SLC25A53: variants seen among roughly 807,000 people sequenced by gnomAD.
SLC25A53 encodes the protein mitochondrial carrier triple repeat protein 6.
Under a neutral mutation model 15.0 loss-of-function variants are expected in SLC25A53, and 5 were observed. The observed-to-expected ratio is 0.33, with a 90% CI of 0.17 to 0.70. The LOEUF (loss-of-function observed/expected upper bound fraction) is 0.70, where lower values mean the gene tolerates loss of function less well. Among genes scored for constraint, SLC25A53 ranks in the 30% least tolerant of loss-of-function variants. The pLI, the probability that SLC25A53 is intolerant of heterozygous loss-of-function variation, is 0.67. For synonymous variants in SLC25A53, 95 were observed against 100.0 expected (o/e 0.95, Z 0.30); for missense variants, 216 against 241.6 (o/e 0.89, Z 0.70).
At chrX:104,136,370 C>T (rs1556366465) in intron 1 of SLC25A53, among the ~76,000 whole-genome samples, 1 of 111,372 alleles carries the variant, frequency 9.0e-6, no homozygotes. Flanking sequence ...CTGGAAACAG[C>T]ATCATTTCTG....
intron 1 of SLC25A53, among the ~76,000 whole-genome samples, chrX:104,140,931 C>T (rs917643021): frequency 1.8e-5 from 2 of 110,827 alleles, no homozygotes; most frequent in African/African-American, 6.6e-5. Context: ...AAGTTCTGAC[C>T]CAAATATACA....
Position 104,156,942 on chromosome X carries a change from G to C in SLC25A53, c.-96C>G, listed in dbSNP as rs1167410837. 2.7e-5 allele frequency: 3 copies of C among 111,890 alleles called. No homozygotes were observed. Among genetic ancestry groups the C allele is most frequent in the Non-Finnish European group, 5.6e-5 (3 of 53,221 alleles). 9.2% of individuals were successfully genotyped at this position (111,890 alleles called of 1,213,427 possible). A position where few individuals can be genotyped will look rare whatever the true frequency, so the allele number is the denominator to read the frequency against. ...CTTTCCTGTGGCCTCAGAAAGCAGCGACAGTCGCAGTCACCGGACCTTCGC... is the reference window on the plus strand; with the variant it reads ...CTTTCCTGTGGCCTCAGAAAGCAGCCACAGTCGCAGTCACCGGACCTTCGC... On this transcript the variant is annotated 5_prime_UTR_variant, in exon 1 of 2. Transcript: ENST00000594199.
At chrX:104,155,434 G>C (rs1156267579) in intron 1 of SLC25A53, among the ~76,000 whole-genome samples, 2 of 111,355 alleles carry the variant, frequency 1.8e-5, no homozygotes, top group African/African-American at 6.5e-5. Flanking sequence ...ATGGGACCTA[G>C]CAATCTTGGT....
At position 104,102,639 on chromosome X, in the gene SLC25A53, C is replaced by T. The variant is rs2075285979; in HGVS notation, c.*1695G>A. ...AGCACCCTGAGGATATACCATATCA[C>T]AGCTTGATAATCAACTCAGTAATTT... On this transcript the variant is annotated 3_prime_UTR_variant, in exon 2 of 2. Coordinates refer to ENST00000594199, the MANE Select transcript of SLC25A53 (RefSeq NM_001012755.5). The T allele has an allele frequency of 8.9e-6, 1 of 112,072 alleles. No homozygotes were observed. Among genetic ancestry groups the T allele is most frequent in the Admixed American group, 9.5e-5 (1 of 10,572 alleles). The allele number at this position is 112,072 out of a possible 1,213,427, so 9.2% of individuals were successfully genotyped here. A position where few individuals can be genotyped will look rare whatever the true frequency, so the allele number is the denominator to read the frequency against.
chrX:104,155,880 C>CTAAAAATA (rs1214702366), intron 1 of SLC25A53, among the ~76,000 whole-genome samples: 3 of 109,709 alleles, frequency 2.7e-5, no homozygotes, highest in Non-Finnish European at 5.7e-5. Context: ...CCCGTCTCTA[C>CTAAAAATA]TAAAAATATA....
In SLC25A53 at chrX:104,105,201, C is replaced by T; in HGVS notation, c.57G>A (p.Glu19=). The T allele has an allele frequency of 8.3e-7, 1 of 1,211,985 alleles. No homozygotes were observed. Among genetic ancestry groups the T allele is most frequent in the Non-Finnish European group, 1.1e-6 (1 of 895,471 alleles). ...AATGCCAGCTTTTCTTTCCTGGAGC[C>T]TCTGCTCGCGTCCTGTGCTGAAGCT... is the stretch of plus-strand genomic sequence containing the variant. The part of the protein sequence containing the change: ...GKELQHRTRA[E]APGKKSWHSQ... The change falls in exon 2 of 2, where the codon GAG becomes GAA. Residue 19 remains glutamate, a synonymous_variant. Coordinates refer to ENST00000594199, the MANE Select transcript of SLC25A53 (RefSeq NM_001012755.5).
chrX:104,133,126 C>T (rs2075429414), intron 1 of SLC25A53, among the ~76,000 whole-genome samples: 1 of 112,313 alleles, frequency 8.9e-6, no homozygotes, highest in African/African-American at 3.2e-5. Flanking sequence ...TTCTCTAGAA[C>T]ATGTCCTCTG....
rs1156916524 is a variant in SLC25A53 at position 104,101,185 on chromosome X, T to C, written c.*3149A>G. ...TGAAGAGATGCATAGGGTGAGGTAC[T>C]GCGGAAGGGGCTCAGAGCTTCTGTG... On this transcript the variant is annotated 3_prime_UTR_variant, in exon 2 of 2. Transcript: ENST00000594199. The C allele has an allele frequency of 8.9e-6, 1 of 112,611 alleles. No individual in the cohort carries two copies. The highest frequency in any genetic ancestry group is 3.2e-5 in the African/African-American group (1 of 30,956). 9.3% of individuals were successfully genotyped at this position (112,611 alleles called of 1,213,427 possible).
At chrX:104,110,428 T>C (rs782618289) in intron 1 of SLC25A53, among the ~76,000 whole-genome samples, 3 of 111,425 alleles carry the variant, frequency 2.7e-5, no homozygotes, top group African/African-American at 9.8e-5. Context: ...ATCTCCAAAT[T>C]TTTATTGTTT....
chrX:104,149,481 TA>T (rs1171237358), intron 1 of SLC25A53, among the ~76,000 whole-genome samples: 1 of 112,411 alleles, frequency 8.9e-6, no homozygotes, highest in East Asian at 2.8e-4. Flanking sequence ...GAACCTCGGC[TA>T]GGGCTGTTGA....
chrX:104,103,972 C>A lies in SLC25A53; in HGVS notation c.*362G>T, dbSNP rs2075293032. On this transcript the variant is annotated 3_prime_UTR_variant, in exon 2 of 2. Transcript: ENST00000594199. ...TCCACTCAGTTTGGTCTGGAGGACA[C>A]CTAGAGGGGTCCCAGAGCTCAGAGT... The A allele has an allele frequency of 6.0e-6, 1 of 166,373 alleles. No individual in the cohort carries two copies. The highest frequency in any genetic ancestry group is 1.7e-4 in the South Asian group (1 of 5,928). 13.7% of individuals were successfully genotyped at this position (166,373 alleles called of 1,213,427 possible).
intron 1 of SLC25A53, among the ~76,000 whole-genome samples, chrX:104,108,837 G>A (rs782502553): frequency 1.8e-5 from 2 of 111,922 alleles, no homozygotes; most frequent in Non-Finnish European, 3.8e-5. Context: ...TCACAAACAT[G>A]TATTGATCAT....
At chrX:104,147,033 C>T (rs2083053640) in intron 1 of SLC25A53, among the ~76,000 whole-genome samples, 1 of 111,931 alleles carries the variant, frequency 8.9e-6, no homozygotes, top group African/African-American at 3.3e-5. Flanking sequence ...GGAGGCATCA[C>T]ACTACCTCAC....
rs1405202713 is a variant in SLC25A53 at position 104,100,276 on chromosome X, C to T, written c.*4058G>A. ...TATATTTAGAGAAAAATATATATCACGCATATATTGTGTTGTATGATGGCT... is the reference window on the plus strand; with the variant it reads ...TATATTTAGAGAAAAATATATATCATGCATATATTGTGTTGTATGATGGCT... On this transcript the variant is annotated 3_prime_UTR_variant, in exon 2 of 2. Coordinates refer to ENST00000594199, the MANE Select transcript of SLC25A53 (RefSeq NM_001012755.5). The T allele has an allele frequency of 2.7e-5, 3 of 111,361 alleles. No homozygotes were observed. In the South Asian group the frequency reaches 1.1e-3, roughly 42 times the overall value. The allele number at this position is 111,361 out of a possible 1,213,427, so 9.2% of individuals were successfully genotyped here.
At chrX:104,110,538 G>A (rs1556357934) in intron 1 of SLC25A53, among the ~76,000 whole-genome samples, 1 of 112,468 alleles carries the variant, frequency 8.9e-6, no homozygotes, top group Non-Finnish European at 1.9e-5. Flanking sequence ...AGCAGCGGAA[G>A]GGCATCAGAC....
At chrX:104,130,509 C>T (rs2075423090) in intron 1 of SLC25A53, 1 of 111,165 alleles carries the variant, frequency 9.0e-6, no homozygotes, top group Non-Finnish European at 1.9e-5. Context: ...TATATTCTCT[C>T]GACTCTAGTA....
At chrX:104,139,857 ATAAAT>A (rs1413776144) in intron 1 of SLC25A53, among the ~76,000 whole-genome samples, 28 of 112,477 alleles carry the variant, frequency 2.5e-4, no homozygotes, top group Middle Eastern at 9.3e-3. Flanking sequence ...TAAAATAAAA[ATAAAT>A]AAAATAAAAT....
chrX:104,122,929 G>A (rs2075399444), intron 1 of SLC25A53, among the ~76,000 whole-genome samples: 1 of 112,015 alleles, frequency 8.9e-6, no homozygotes, highest in Non-Finnish European at 1.9e-5. Context: ...AAAGGAACTT[G>A]GGCAAAGTAG....
At chrX:104,126,508 G>T (rs1195701522) in intron 1 of SLC25A53, among the ~76,000 whole-genome samples, 3 of 110,570 alleles carry the variant, frequency 2.7e-5, no homozygotes, top group African/African-American at 9.9e-5. Context: ...TAAAACATTA[G>T]TCAGGTATGG....
Sources: gnomAD v4.1 joint callset for allele counts (sites outside exome capture counted in the v4.1 genomes callset) on GRCh38, gnomAD v4.1.1 for gene constraint, MANE v1.5 for transcripts, NCBI Gene and HGNC (gene_info 2026-07-23, HGNC 2026-07-21) for gene names.